ALMS1: variants seen among roughly 807,000 people sequenced by gnomAD.
ALMS1 encodes the protein centrosome-associated protein ALMS1.
A neutral mutation model predicts 352.2 loss-of-function variants in ALMS1; 271 were observed. That is an observed-to-expected ratio of 0.77 (90% CI 0.70 to 0.85). The LOEUF is 0.85. ALMS1 is among the 40% of genes least tolerant of loss of function. The pLI is 0.00. For missense variants in ALMS1, 5,445 were observed against 4,870.7 expected (o/e 1.12, Z -3.51); for synonymous variants, 1,865 against 1,761.2 (o/e 1.06, Z -1.48).
intron 7 of ALMS1, among the ~76,000 whole-genome samples, chr2:73,445,084 T>C (rs1671784645): frequency 6.6e-6 from 1 of 151,596 alleles, no homozygotes; most frequent in Admixed American, 6.6e-5. Flanking sequence ...CCAGACTTTT[T>C]AAAAAAAAAT....
At position 73,572,984 on chromosome 2, in the gene ALMS1, G is replaced by A; in HGVS notation, c.11107G>A (p.Ala3703Thr). 1 of 1,614,092 alleles carries A rather than the reference G, an allele frequency of 6.2e-7. No homozygotes were observed. The highest frequency in any genetic ancestry group is 1.6e-4 in the Middle Eastern group (1 of 6,062). Residue 3703 changes from alanine to threonine, a missense_variant, in exon 16 of 23, where the codon GCT (alanine) becomes ACT (threonine). By Grantham distance (58) the Ala-to-Thr change is moderately conservative (BLOSUM62 0). Transcript: ENST00000613296. ...KKSKVLSHHR[A>T]GRSNQIKIEQ... The stretch of plus-strand genomic sequence containing the variant: ...AAGCAAGGTGCTTTCTCATCATCGA[G>A]CTGGGAGGTCTAATCAAATTAAAAT...
intron 15 of ALMS1, among the ~76,000 whole-genome samples, chr2:73,560,900 T>G (rs1674645862): frequency 6.6e-6 from 1 of 152,036 alleles, no homozygotes; most frequent in Admixed American, 6.6e-5. Flanking sequence ...AACAGGAGAG[T>G]CTTTTATTGA....
chr2:73,512,266 G>A (rs546717688), intron 10 of ALMS1, among the ~76,000 whole-genome samples: 1 of 152,156 alleles, frequency 6.6e-6, no homozygotes, highest in African/African-American at 2.4e-5. Flanking sequence ...TATATTTTTA[G>A]TAGAGATGGG....
intron 2 of ALMS1, among the ~76,000 whole-genome samples, chr2:73,414,488 T>TTTTTTTTTTTG (rs1558635539): frequency 2.3e-4 from 18 of 78,284 alleles, no homozygotes; most frequent in East Asian, 1.2e-3. Context: ...TTTTTTTTTT[T>TTTTTTTTTTTG]GTTTTTTTTT....
At chr2:73,534,734 C>T (rs1248283822) in intron 11 of ALMS1, 90 bp from the exon 12 acceptor site, 1 of 1,412,592 alleles carries the variant, frequency 7.1e-7, no homozygotes, top group African/African-American at 1.4e-5. Context: ...AAGTCATGAA[C>T]ACTGCCTGAA....
chr2:73,455,373 C>A (rs1355198109), intron 9 of ALMS1, 78 bp downstream of exon 9: 1 of 1,572,108 alleles, frequency 6.4e-7, no homozygotes, highest in East Asian at 2.3e-5. Context: ...ACTTGGGCAT[C>A]AGTTGAGTTG....
chr2:73,603,423 G>T, intron 21 of ALMS1, 119 bp downstream of exon 21: 3 of 858,930 alleles, frequency 3.5e-6, no homozygotes, highest in Non-Finnish European at 3.8e-6. Context: ...TTATGAGAAA[G>T]TTGTGAGAGT....
At chr2:73,538,765 G>A (rs1248994542) in intron 12 of ALMS1, among the ~76,000 whole-genome samples, 4 of 152,200 alleles carry the variant, frequency 2.6e-5, no homozygotes, top group South Asian at 2.1e-4. Context: ...AGGATCCTAC[G>A]CCCACGGAGC....
At chr2:73,556,766 A>G (rs1674554126) in intron 13 of ALMS1, among the ~76,000 whole-genome samples, 1 of 151,906 alleles carries the variant, frequency 6.6e-6, no homozygotes, top group African/African-American at 2.4e-5. Flanking sequence ...GCAGTGGCAC[A>G]GTCTCAGCTC....
chr2:73,516,454 A>C (rs1673556896), intron 10 of ALMS1, among the ~76,000 whole-genome samples: 1 of 152,252 alleles, frequency 6.6e-6, no homozygotes, highest in African/African-American at 2.4e-5. Flanking sequence ...GTATATACCC[A>C]AAACAAAATA....
At chr2:73,425,339 G>A (rs942020323) in intron 5 of ALMS1, among the ~76,000 whole-genome samples, 1 of 152,154 alleles carries the variant, frequency 6.6e-6, no homozygotes, top group South Asian at 2.1e-4. Flanking sequence ...CTTCAGAAGT[G>A]CAACCCAGAT....
At position 73,490,352 on chromosome 2, in the gene ALMS1, TACC is replaced by T; in HGVS notation, c.8394_8396del (p.Leu2798_Pro2799delinsPhe). On this transcript the variant is annotated inframe_deletion, in exon 10 of 23. Transcript: ENST00000613296. ...GAAGGTAGAAGGCAAAGCCAAAAAT[TACC>T]TGTTGATTTTGAGCGTTCTTTTCAA... The T allele has an allele frequency of 6.2e-7, 1 of 1,612,606 alleles. No homozygotes were observed. Among genetic ancestry groups the T allele is most frequent in the South Asian group, 1.1e-5 (1 of 90,820 alleles).
At chr2:73,574,333 T>C (rs1382007231) in intron 16 of ALMS1, among the ~76,000 whole-genome samples, 1 of 152,076 alleles carries the variant, frequency 6.6e-6, no homozygotes, top group African/African-American at 2.4e-5. Flanking sequence ...CTAGACATGC[T>C]CTCCAAAGAA....
At chr2:73,406,255 G>A (rs1199413115) in intron 1 of ALMS1, among the ~76,000 whole-genome samples, 22 of 152,044 alleles carry the variant, frequency 1.4e-4, no homozygotes, top group Non-Finnish European at 2.9e-5. Flanking sequence ...TTTGTCTATG[G>A]TATCAGTTTT....
intron 1 of ALMS1, among the ~76,000 whole-genome samples, chr2:73,407,166 T>G (rs766247616): frequency 7.2e-5 from 11 of 152,086 alleles, no homozygotes; most frequent in South Asian, 6.2e-4. Flanking sequence ...GCAGGGCACA[T>G]GGTGAGGGGG....
chr2:73,551,753 G>C (rs1258375067), intron 13 of ALMS1, among the ~76,000 whole-genome samples: 1 of 151,860 alleles, frequency 6.6e-6, no homozygotes, highest in Non-Finnish European at 1.5e-5. Context: ...TTTTATAAAA[G>C]CTTTTTTTCT....
At chr2:73,396,550 C>CTTTTTTTTT (rs60473435) in intron 1 of ALMS1, among the ~76,000 whole-genome samples, 3 of 78,258 alleles carry the variant, frequency 3.8e-5, no homozygotes, top group Non-Finnish European at 6.8e-5. Flanking sequence ...GGTCTGAGCT[C>CTTTTTTTTT]TTTTTTTTTT....
intron 11 of ALMS1, among the ~76,000 whole-genome samples, chr2:73,530,403 C>T (rs1293412400): frequency 2.6e-5 from 4 of 152,232 alleles, no homozygotes; most frequent in African/African-American, 9.6e-5. Flanking sequence ...TTTCCTTTGA[C>T]TCCATGTCAT....
Position 73,572,615 on chromosome 2 carries a change from C to G in ALMS1, c.10738C>G (p.Pro3580Ala), listed in dbSNP as rs746126446. The change falls in exon 16 of 23, where the codon CCA (proline) becomes GCA (alanine). Residue 3580 changes from proline to alanine, a missense_variant. Physicochemically the swap from Pro to Ala is conservative, Grantham distance 27. Coordinates refer to ENST00000613296, the MANE Select transcript of ALMS1 (RefSeq NM_001378454.1). Reference sequence around the variant, plus strand: ...AAAACATAATGGACAAATTAGTGATCCACAAAGGGATCAGAAGGTCACCCC... The same window carrying G: ...AAAACATAATGGACAAATTAGTGATGCACAAAGGGATCAGAAGGTCACCCC... ...YPKHNGQISD[P>A]QRDQKVTPEQ... 3 of 1,613,780 alleles carry G rather than the reference C, an allele frequency of 1.9e-6. No homozygotes were observed. The African/African-American group carries it at 4.0e-5, about 22-fold the overall frequency.
Sources: gnomAD v4.1 joint callset for allele counts (sites outside exome capture counted in the v4.1 genomes callset) on GRCh38, gnomAD v4.1.1 for gene constraint, MANE v1.5 for transcripts, NCBI Gene and HGNC (gene_info 2026-07-23, HGNC 2026-07-21) for gene names.